The following DTNB variants were observed in gnomAD, a reference collection of about 807,000 sequenced individuals.
DTNB encodes DTN-B.
In DTNB, 63 loss-of-function variants were observed where a neutral mutation model predicts 90.7. That is an observed-to-expected ratio of 0.69 (90% confidence interval 0.57 to 0.86). DTNB has a LOEUF of 0.86. Among genes scored for constraint, DTNB ranks in the 40% least tolerant of loss-of-function variants. The pLI, the probability that DTNB is intolerant of heterozygous loss-of-function variation, is 0.00. For missense variants in DTNB, 744 were observed against 807.1 expected (o/e 0.92, Z 0.95); for synonymous variants, 277 against 286.7 (o/e 0.97, Z 0.34).
chr2:25,613,123 T>C (rs1011693145), intron 4 of DTNB, among the ~76,000 whole-genome samples: 5 of 152,148 alleles, frequency 3.3e-5, no homozygotes, highest in African/African-American at 1.2e-4. Flanking sequence ...CATTTATTTA[T>C]TTATTTGTAG....
At position 25,493,774 on chromosome 2, in the gene DTNB, A is replaced by G. The variant is rs2068121306; in HGVS notation, c.1002-10901T>C. 2.0e-5 allele frequency among the ~76,000 whole-genome samples: 3 copies of G among 152,190 alleles called. No homozygotes were observed. In the South Asian group the frequency reaches 6.2e-4, roughly 32 times the overall value. ...GTTAGGGGTTTCGGGACAAAATAAA[A>G]CAAGTTGAAGACTGTCCCTGCCCAC... On this transcript the variant is annotated intron_variant, in intron 9 of 20. Coordinates refer to ENST00000406818, the MANE Select transcript of DTNB (RefSeq NM_021907.5).
At chr2:25,389,100 C>T (rs1325478884) in intron 16 of DTNB, among the ~76,000 whole-genome samples, 1 of 152,170 alleles carries the variant, frequency 6.6e-6, no homozygotes, top group Non-Finnish European at 1.5e-5. Flanking sequence ...TGCTCGCCTT[C>T]GCCTCCCAAA....
At chr2:25,414,293 C>T (rs1205465310) in intron 16 of DTNB, among the ~76,000 whole-genome samples, 1 of 152,144 alleles carries the variant, frequency 6.6e-6, no homozygotes, top group Non-Finnish European at 1.5e-5. Flanking sequence ...CTCGCTCTGT[C>T]GGCTGAAGTG....
At chr2:25,487,555 C>T (rs1490397592) in intron 9 of DTNB, among the ~76,000 whole-genome samples, 1 of 152,144 alleles carries the variant, frequency 6.6e-6, no homozygotes. Flanking sequence ...AGACAACTGA[C>T]AGACCAAGTG....
At chr2:25,643,410 T>C (rs1382564288) in intron 2 of DTNB, among the ~76,000 whole-genome samples, 2 of 152,226 alleles carry the variant, frequency 1.3e-5, no homozygotes, top group Admixed American at 6.5e-5. Context: ...TGTTCACTGT[T>C]CAATGCTAAC....
chr2:25,419,613 A>C, intron 15 of DTNB, 78 bp from the exon 16 acceptor site: 5 of 1,522,266 alleles, frequency 3.3e-6, no homozygotes, highest in Non-Finnish European at 4.4e-6. Flanking sequence ...CATCACCACA[A>C]ACATTGGTCA....
intron 7 of DTNB, among the ~76,000 whole-genome samples, chr2:25,579,180 T>G (rs2061183372): frequency 6.6e-6 from 1 of 152,192 alleles, no homozygotes; most frequent in Non-Finnish European, 1.5e-5. Context: ...CAATTGGACA[T>G]AAAACTACTA....
chr2:25,463,543 A>G (rs1377327712), intron 10 of DTNB, among the ~76,000 whole-genome samples: 3 of 152,270 alleles, frequency 2.0e-5, no homozygotes, highest in Non-Finnish European at 4.4e-5. Context: ...TGCACAACTC[A>G]GTGCATACAC....
chr2:25,559,226 T>C (rs911149070), intron 8 of DTNB, among the ~76,000 whole-genome samples: 4 of 152,154 alleles, frequency 2.6e-5, no homozygotes, highest in Admixed American at 2.6e-4. Context: ...CCCTTCTCCT[T>C]GTCTTCATAG....
intron 4 of DTNB, among the ~76,000 whole-genome samples, chr2:25,622,612 C>G (rs1213505163): frequency 6.6e-6 from 1 of 152,100 alleles, no homozygotes; most frequent in Non-Finnish European, 1.5e-5. Context: ...TTCTTCCCAC[C>G]TCCAGCACAT....
intron 3 of DTNB, among the ~76,000 whole-genome samples, chr2:25,630,276 A>C (rs2075380044): frequency 6.6e-6 from 1 of 152,222 alleles, no homozygotes; most frequent in Non-Finnish European, 1.5e-5. Flanking sequence ...AAATTCTCAT[A>C]AACTGCTGGT....
intron 8 of DTNB, among the ~76,000 whole-genome samples, chr2:25,545,329 T>G (rs1187725897): frequency 3.9e-5 from 6 of 152,232 alleles, no homozygotes; most frequent in Admixed American, 2.0e-4. Context: ...TCTGTTGTGT[T>G]TGTTTGCTGA....
At chr2:25,616,298 T>G (rs2070468034) in intron 4 of DTNB, among the ~76,000 whole-genome samples, 1 of 151,978 alleles carries the variant, frequency 6.6e-6, no homozygotes. Context: ...TCATGGGTAC[T>G]ATGATATCTT....
At chr2:25,519,885 T>A (rs1352895862) in intron 9 of DTNB, among the ~76,000 whole-genome samples, 1 of 152,120 alleles carries the variant, frequency 6.6e-6, no homozygotes, top group Non-Finnish European at 1.5e-5. Flanking sequence ...GAAAAAAGTA[T>A]CATCTTGTCA....
At chr2:25,388,726 G>A in intron 16 of DTNB, 1 of 223,760 alleles carries the variant, frequency 4.5e-6, no homozygotes, top group Non-Finnish European at 8.9e-6. Flanking sequence ...CATTTTGTTT[G>A]CAAACACATT....
At chr2:25,534,975 G>C (rs1355876782) in intron 8 of DTNB, among the ~76,000 whole-genome samples, 3 of 143,230 alleles carry the variant, frequency 2.1e-5, no homozygotes, top group Non-Finnish European at 4.5e-5. Context: ...ACAATGAGGT[G>C]CTCCTCACCT....
chr2:25,575,823 A>AT (rs1255858564), intron 8 of DTNB, among the ~76,000 whole-genome samples: 3 of 152,242 alleles, frequency 2.0e-5, no homozygotes, highest in Non-Finnish European at 2.9e-5. Flanking sequence ...TAGAGGAAAG[A>AT]TTTTAAAACA....
Position 25,386,084 on chromosome 2 carries a change from G to C in DTNB, c.1825+1205C>G, listed in dbSNP as rs548415194. ...CTGTTTATGTGTACAGAGCGGGGCC[G>C]TGCTTCTGATGGGGGTTGAGAAACA... On this transcript the variant is annotated intron_variant, in intron 18 of 20. Transcript: ENST00000406818. 3.0e-6 allele frequency: 3 copies of C among 985,514 alleles called. No individual in the cohort carries two copies. In the African/African-American group the frequency reaches 5.2e-5, roughly 17 times the overall value. 61.0% of individuals were successfully genotyped at this position (985,514 alleles called of 1,614,324 possible).
At chr2:25,489,023 G>A (rs1263796977) in intron 9 of DTNB, among the ~76,000 whole-genome samples, 1 of 152,152 alleles carries the variant, frequency 6.6e-6, no homozygotes, top group Non-Finnish European at 1.5e-5. Flanking sequence ...GTAAGAGGGT[G>A]GCTTAGATAA....
Sources: gnomAD v4.1 joint callset for allele counts (sites outside exome capture counted in the v4.1 genomes callset) on GRCh38, gnomAD v4.1.1 for gene constraint, MANE v1.5 for transcripts, NCBI Gene and HGNC (gene_info 2026-07-23, HGNC 2026-07-21) for gene names.